Variants in SUPT3H observed in about 807,000 individuals in gnomAD.
SUPT3H encodes transcription initiation protein SPT3 homolog.
In SUPT3H, 44 loss-of-function variants were observed where a neutral mutation model predicts 44.3. That is an observed-to-expected ratio of 0.99 (90% confidence interval 0.78 to 1.28). The LOEUF is 1.28. Ranked by LOEUF, SUPT3H falls within the 50% of genes most tolerant of loss-of-function variation. The pLI, the probability that SUPT3H is intolerant of heterozygous loss-of-function variation, is 0.00. For missense variants in SUPT3H, 380 were observed against 387.1 expected (o/e 0.98, Z 0.15); for synonymous variants, 124 against 125.6 (o/e 0.99, Z 0.09).
intron 2 of SUPT3H, among the ~76,000 whole-genome samples, chr6:45,114,710 C>A (rs960293813): frequency 6.6e-6 from 1 of 152,140 alleles, no homozygotes; most frequent in Non-Finnish European, 1.5e-5. Flanking sequence ...ATATTCCCAT[C>A]TTCAAACTCT....
chr6:44,981,438 C>T (rs895400337), intron 6 of SUPT3H, among the ~76,000 whole-genome samples: 5 of 152,152 alleles, frequency 3.3e-5, no homozygotes, highest in African/African-American at 9.7e-5. Flanking sequence ...AGGGTAAATA[C>T]GATTCCAACC....
chr6:45,189,404 A>G (rs1814783355), intron 2 of SUPT3H, among the ~76,000 whole-genome samples: 1 of 152,196 alleles, frequency 6.6e-6, no homozygotes, highest in Admixed American at 6.5e-5. Flanking sequence ...TTTCAGTTCA[A>G]CTAATAAAAA....
At chr6:44,992,192 T>C (rs1780700693) in intron 6 of SUPT3H, among the ~76,000 whole-genome samples, 1 of 152,182 alleles carries the variant, frequency 6.6e-6, no homozygotes. Flanking sequence ...AAGAAAACCC[T>C]TGAAAAGTAT....
chr6:45,069,417 TGTAAGAAGAGA>T (rs1214597796), intron 3 of SUPT3H, among the ~76,000 whole-genome samples: 1 of 152,158 alleles, frequency 6.6e-6, no homozygotes, highest in African/African-American at 2.4e-5. Context: ...ATTTTATAGT[TGTAAGAAGAGA>T]GTAAGGAAAA....
At chr6:44,884,906 C>T (rs566777747) in intron 10 of SUPT3H, among the ~76,000 whole-genome samples, 1 of 152,118 alleles carries the variant, frequency 6.6e-6, no homozygotes, top group Non-Finnish European at 1.5e-5. Context: ...CGGGTCACTC[C>T]CACCCTAATA....
intron 2 of SUPT3H, among the ~76,000 whole-genome samples, chr6:45,265,156 CAATAG>C (rs1162175227): frequency 1.3e-5 from 2 of 151,950 alleles, no homozygotes; most frequent in Non-Finnish European, 2.9e-5. Context: ...GAAATACATA[CAATAG>C]AAAAGACCTC....
At position 45,271,580 on chromosome 6, in the gene SUPT3H, C is replaced by T. The variant is rs557476818; in HGVS notation, c.101+93621G>A. Among the ~76,000 whole-genome samples the T allele has an allele frequency of 7.2e-5, 11 of 152,262 alleles. No homozygotes were observed. The South Asian group carries it at 2.3e-3, about 32-fold the overall frequency. ...GAGGATGCATGGTAATGCCTGGATA[C>T]CCACGCTGAAGTTTGCAGTAGGGGC... On this transcript the variant is annotated intron_variant, in intron 2 of 10. Transcript: ENST00000371459.
chr6:45,113,154 AG>A (rs1800328934), intron 2 of SUPT3H, among the ~76,000 whole-genome samples: 1 of 151,810 alleles, frequency 6.6e-6, no homozygotes, highest in African/African-American at 2.4e-5. Context: ...TTTATAGACT[AG>A]GTATTACTAT....
At chr6:45,179,147 T>A (rs1278069642) in intron 2 of SUPT3H, among the ~76,000 whole-genome samples, 1 of 152,150 alleles carries the variant, frequency 6.6e-6, no homozygotes, top group Non-Finnish European at 1.5e-5. Flanking sequence ...GATAAATTCC[T>A]CGACACGTAC....
chr6:45,071,682 T>C lies in SUPT3H; in HGVS notation c.186+34240A>G, dbSNP rs562294215. On this transcript the variant is annotated intron_variant, in intron 3 of 10. Transcript: ENST00000371459. Reference sequence around the variant, plus strand: ...TGGGACTAGAGTCCTACTGAGAACATTGATCTGTCCAAAATGAGCCCTGAC... The same window carrying C: ...TGGGACTAGAGTCCTACTGAGAACACTGATCTGTCCAAAATGAGCCCTGAC... Among the ~76,000 whole-genome samples the C allele has an allele frequency of 1.4e-4, 19 of 139,618 alleles. No individual in the cohort carries two copies. The East Asian group carries it at 2.1e-3, about 16-fold the overall frequency. The allele number at this position is 139,618 out of a possible 152,430, so 91.6% of individuals were successfully genotyped here. A position where few individuals can be genotyped will look rare whatever the true frequency, so the allele number is the denominator to read the frequency against.
intron 2 of SUPT3H, among the ~76,000 whole-genome samples, chr6:45,355,038 G>A (rs1297297389): frequency 6.6e-6 from 1 of 151,824 alleles, no homozygotes; most frequent in South Asian, 2.1e-4. Context: ...GCAGTGGTAC[G>A]ATCACAGGTC....
intron 2 of SUPT3H, among the ~76,000 whole-genome samples, chr6:45,291,833 G>A (rs1481724799): frequency 2.6e-5 from 4 of 152,164 alleles, no homozygotes; most frequent in Non-Finnish European, 5.9e-5. Context: ...CCCCAAGGAA[G>A]AAGAGAAATT....
chr6:45,122,095 T>C (rs74694501), intron 2 of SUPT3H, among the ~76,000 whole-genome samples: 3,645 of 152,244 alleles, frequency 0.024, 164 homozygotes, highest in African/African-American at 0.082. Flanking sequence ...ATATTAACTT[T>C]AAAAAAGAAA....
At chr6:44,932,807 G>T (rs764890735) in intron 9 of SUPT3H, 44 bp from the exon 10 acceptor site, 2 of 1,302,850 alleles carry the variant, frequency 1.5e-6, no homozygotes, top group African/African-American at 1.5e-5. Flanking sequence ...TCAAAAACAC[G>T]CAACAGAACT....
chr6:44,932,985 C>T (rs1770835399), intron 9 of SUPT3H, among the ~76,000 whole-genome samples: 1 of 152,072 alleles, frequency 6.6e-6, no homozygotes, highest in Non-Finnish European at 1.5e-5. Context: ...AATTTTTATG[C>T]CCACAATATT....
At chr6:45,212,940 G>T (rs1490241284) in intron 2 of SUPT3H, among the ~76,000 whole-genome samples, 1 of 152,046 alleles carries the variant, frequency 6.6e-6, no homozygotes. Flanking sequence ...ATTTTCCAAG[G>T]ATGACAAAAC....
chr6:44,971,331 T>G (rs1777538847), intron 6 of SUPT3H, among the ~76,000 whole-genome samples: 1 of 152,178 alleles, frequency 6.6e-6, no homozygotes, highest in African/African-American at 2.4e-5. Context: ...GTTCTCATGC[T>G]GCTATAAAGG....
chr6:45,369,270 T>C (rs751064583), intron 1 of SUPT3H, among the ~76,000 whole-genome samples: 2 of 152,020 alleles, frequency 1.3e-5, no homozygotes, highest in Non-Finnish European at 2.9e-5. Flanking sequence ...CAGTTCTCTC[T>C]ACTTGCAATA....
At chr6:45,125,760 AAC>A (rs1394495044) in intron 2 of SUPT3H, among the ~76,000 whole-genome samples, 2 of 152,068 alleles carry the variant, frequency 1.3e-5, no homozygotes, top group Non-Finnish European at 2.9e-5. Context: ...CAGGTAACTG[AAC>A]ACAATAGTAT....
Sources: gnomAD v4.1 joint callset for allele counts (sites outside exome capture counted in the v4.1 genomes callset) on GRCh38, gnomAD v4.1.1 for gene constraint, MANE v1.5 for transcripts, NCBI Gene and HGNC (gene_info 2026-07-23, HGNC 2026-07-21) for gene names.